GNG4: variants seen among roughly 807,000 people sequenced by gnomAD.
GNG4 encodes the protein G protein subunit gamma 4.
Under a neutral mutation model 5.8 loss-of-function variants are expected in GNG4, and 4 were observed. That is an observed-to-expected ratio of 0.69 (90% CI 0.34 to 1.57). The LOEUF is 1.57. Among genes scored for constraint, GNG4 ranks in the 40% most tolerant of loss-of-function variants. The probability of loss-of-function intolerance (pLI) is 0.06; values close to 1 mark genes in which losing one functional copy is unlikely to be tolerated. For synonymous variants in GNG4, 29 were observed against 32.9 expected (o/e 0.88, Z 0.41); for missense variants, 96 against 95.1 (o/e 1.01, Z -0.04).
intron 1 of GNG4, among the ~76,000 whole-genome samples, chr1:235,647,703 C>T (rs1184925867): frequency 1.3e-5 from 2 of 152,200 alleles, no homozygotes; most frequent in East Asian, 3.8e-4. Flanking sequence ...GGCACCATCT[C>T]AGCTCACTGC....
chr1:235,641,212 C>T (rs1176424668), intron 1 of GNG4, among the ~76,000 whole-genome samples: 4 of 151,824 alleles, frequency 2.6e-5, no homozygotes, highest in African/African-American at 9.7e-5. Context: ...ATAGTGAGAA[C>T]CCATCTCTAC....
At chr1:235,553,096 C>A (rs936150550) in intron 3 of GNG4, among the ~76,000 whole-genome samples, 7 of 152,118 alleles carry the variant, frequency 4.6e-5, no homozygotes, top group African/African-American at 7.2e-5. Context: ...CACTTCCCTG[C>A]GGAGAGAGGT....
chr1:235,584,858 CTGTTTA>C (rs1687722605), intron 2 of GNG4, among the ~76,000 whole-genome samples: 1 of 152,204 alleles, frequency 6.6e-6, no homozygotes, highest in African/African-American at 2.4e-5. Context: ...TCGTCTGCTT[CTGTTTA>C]TATTTTATTT....
At chr1:235,621,238 A>AT (rs35356841) in intron 1 of GNG4, among the ~76,000 whole-genome samples, 7 of 140,290 alleles carry the variant, frequency 5.0e-5, no homozygotes, top group East Asian at 2.0e-4. Flanking sequence ...AAAAAGTCTA[A>AT]TTTTTTTTTA....
chr1:235,611,542 G>A (rs1688474943), intron 1 of GNG4, among the ~76,000 whole-genome samples: 1 of 152,166 alleles, frequency 6.6e-6, no homozygotes, highest in Non-Finnish European at 1.5e-5. Flanking sequence ...TTGACCATTG[G>A]TTGGATGTAT....
chr1:235,579,702 T>G (rs1336359166), intron 3 of GNG4, among the ~76,000 whole-genome samples: 2 of 151,588 alleles, frequency 1.3e-5, no homozygotes, highest in Admixed American at 6.6e-5. Context: ...AAAACAAAAA[T>G]TAGCTGGGTG....
At chr1:235,614,282 G>T (rs1688541942) in intron 1 of GNG4, among the ~76,000 whole-genome samples, 1 of 150,952 alleles carries the variant, frequency 6.6e-6, no homozygotes, top group Non-Finnish European at 1.5e-5. Flanking sequence ...TTGGTCATTT[G>T]TATTTTTTTT....
intron 3 of GNG4, among the ~76,000 whole-genome samples, chr1:235,559,086 T>G (rs1339115019): frequency 1.3e-5 from 2 of 152,194 alleles, no homozygotes; most frequent in Non-Finnish European, 2.9e-5. Context: ...CATTTATCCT[T>G]TGCATCTGAA....
chr1:235,598,348 G>A (rs533713401), intron 1 of GNG4, among the ~76,000 whole-genome samples: 29 of 152,206 alleles, frequency 1.9e-4, no homozygotes, highest in African/African-American at 5.8e-4. Context: ...AGTGACTCAC[G>A]TCTGTAATCC....
At chr1:235,565,690 C>A (rs1188485385) in intron 3 of GNG4, 1 of 152,172 alleles carries the variant, frequency 6.6e-6, no homozygotes, top group African/African-American at 2.4e-5. Context: ...CATAGCGAGA[C>A]CCCCGTCTCT....
At chr1:235,650,179 C>A (rs1047487302), upstream of GNG4, among the ~76,000 whole-genome samples, 1 of 143,722 alleles carries the variant, frequency 7.0e-6, no homozygotes, top group Non-Finnish European at 1.5e-5. Flanking sequence ...AAGGGCCGCG[C>A]CCCCGCCCCG....
chr1:235,635,238 T>C (rs1406725087), intron 1 of GNG4, among the ~76,000 whole-genome samples: 2 of 152,120 alleles, frequency 1.3e-5, no homozygotes, highest in Non-Finnish European at 2.9e-5. Flanking sequence ...AATCTCATAT[T>C]AAAATGTGAT....
At chr1:235,554,845 CAAAAAAAAAAAA>C (rs34093722) in intron 3 of GNG4, among the ~76,000 whole-genome samples, 1 of 84,404 alleles carries the variant, frequency 1.2e-5, no homozygotes, top group Admixed American at 1.3e-4. Flanking sequence ...AACTCCATCT[CAAAAAAAAAAAA>C]AAAAAAAAAG....
At chr1:235,632,127 C>T (rs73122536) in intron 1 of GNG4, among the ~76,000 whole-genome samples, 4,312 of 152,154 alleles carry the variant, frequency 0.028, 205 homozygotes, top group African/African-American at 0.095. Context: ...GCTCTGTCAA[C>T]CAGGCTGGGG....
chr1:235,588,343 G>T (rs1275787649), intron 2 of GNG4, among the ~76,000 whole-genome samples: 1 of 151,962 alleles, frequency 6.6e-6, no homozygotes, highest in South Asian at 2.1e-4. Context: ...ACCCACAGCC[G>T]AGGCCCCTGG....
chr1:235,563,615 C>T (rs575132176), intron 3 of GNG4, among the ~76,000 whole-genome samples: 1 of 152,204 alleles, frequency 6.6e-6, no homozygotes, highest in East Asian at 1.9e-4. Flanking sequence ...CTTTATGAGT[C>T]CTCGTGTGGG....
At chr1:235,557,956 C>T (rs1686961473) in intron 3 of GNG4, among the ~76,000 whole-genome samples, 2 of 152,298 alleles carry the variant, frequency 1.3e-5, no homozygotes, top group Admixed American at 1.3e-4. Flanking sequence ...TCTCTCACCT[C>T]CCAAAGGTGA....
At position 235,588,616 on chromosome 1, in the gene GNG4, C is replaced by A. The variant is rs191163501; in HGVS notation, c.-10-4768G>T. Among the ~76,000 whole-genome samples, 1,076 of 152,162 alleles carry A rather than the reference C, an allele frequency of 7.1e-3. 13 individuals carry two copies. Among genetic ancestry groups the A allele is most frequent in the African/African-American group, 0.025 (1,033 of 41,510 alleles). ...GAGAGACCCCCCCCACTAAACTCTG[C>A]CCATCAGACATCCACAATCCAGCCT... is the stretch of plus-strand genomic sequence containing the variant. On this transcript the variant is annotated intron_variant, in intron 2 of 3. Transcript: ENST00000391854.
intron 1 of GNG4, among the ~76,000 whole-genome samples, chr1:235,606,176 G>A (rs1331897337): frequency 2.0e-5 from 3 of 151,716 alleles, no homozygotes; most frequent in African/African-American, 4.8e-5. Flanking sequence ...TCAGGAGTTC[G>A]AGACCAGCCT....
Sources: allele counts gnomAD v4.1 joint callset (sites outside exome capture counted in the v4.1 genomes callset), GRCh38; gene constraint gnomAD v4.1.1; transcripts MANE v1.5; gene names NCBI Gene and HGNC (gene_info 2026-07-23, HGNC 2026-07-21).